The following NIBAN1 variants were observed in gnomAD, a reference collection of about 807,000 sequenced individuals.
The protein encoded by NIBAN1 is protein Niban 1.
A neutral mutation model predicts 75.1 loss-of-function variants in NIBAN1; 81 were observed. That is an observed-to-expected ratio of 1.08 (90% CI 0.90 to 1.30). NIBAN1 has a LOEUF of 1.30. NIBAN1 is among the 50% of genes most tolerant of loss of function. The pLI is 0.00. For missense variants in NIBAN1, 1,133 were observed against 1,128.1 expected (o/e 1.00, Z -0.06); for synonymous variants, 436 against 424.8 (o/e 1.03, Z -0.32).
intron 4 of NIBAN1, chr1:184,888,019 T>C (rs1346989900): frequency 1.3e-5 from 2 of 152,058 alleles, no homozygotes; most frequent in East Asian, 1.9e-4. Context: ...AGTTCTTTGT[T>C]TGTTTTTTTG....
intron 9 of NIBAN1, among the ~76,000 whole-genome samples, chr1:184,816,953 T>A (rs966513914): frequency 2.6e-5 from 4 of 152,170 alleles, no homozygotes; most frequent in Admixed American, 2.0e-4. Flanking sequence ...GGTATACATG[T>A]GCCATGTTGG....
At chr1:184,967,371 C>T (rs1658822949) in intron 1 of NIBAN1, among the ~76,000 whole-genome samples, 1 of 152,090 alleles carries the variant, frequency 6.6e-6, no homozygotes, top group Non-Finnish European at 1.5e-5. Flanking sequence ...CTTCATTTCC[C>T]ATTTCACAGT....
intron 5 of NIBAN1, among the ~76,000 whole-genome samples, chr1:184,877,055 C>T (rs1656252197): frequency 6.6e-6 from 1 of 152,154 alleles, no homozygotes; most frequent in Admixed American, 6.5e-5. Context: ...TAAGTGTTCA[C>T]AGCAGCACTG....
chr1:184,906,889 C>T (rs1297488998), intron 1 of NIBAN1, among the ~76,000 whole-genome samples: 1 of 152,088 alleles, frequency 6.6e-6, no homozygotes, highest in African/African-American at 2.4e-5. Flanking sequence ...AAACCAGTTC[C>T]CAGTCCTGAA....
chr1:184,893,236 C>A (rs1656718120), intron 3 of NIBAN1, among the ~76,000 whole-genome samples: 1 of 152,094 alleles, frequency 6.6e-6, no homozygotes, highest in African/African-American at 2.4e-5. Context: ...GATCATTTGA[C>A]CTAACTGTTT....
intron 3 of NIBAN1, among the ~76,000 whole-genome samples, chr1:184,891,792 G>A (rs1258578407): frequency 1.3e-5 from 2 of 152,064 alleles, no homozygotes; most frequent in East Asian, 3.8e-4. Flanking sequence ...GGTACTTAAT[G>A]CATAATTCTT....
At chr1:184,801,215 ACT>A (rs1410163775) in intron 12 of NIBAN1, among the ~76,000 whole-genome samples, 1 of 151,988 alleles carries the variant, frequency 6.6e-6, no homozygotes, top group Non-Finnish European at 1.5e-5. Context: ...ACCTCAGACA[ACT>A]CTCAGTGCTG....
In NIBAN1 at chr1:184,818,814, G is replaced by A; in HGVS notation, c.997C>T (p.Gln333Ter). 1 of 1,591,172 alleles carries A rather than the reference G, an allele frequency of 6.3e-7. No homozygotes were observed. The highest frequency in any genetic ancestry group is 1.7e-5 in the Admixed American group (1 of 57,744). Reference sequence around the variant, plus strand: ...TCCAAGCAGCTTTTCTCCGCCGGCTGGGCCACCATCGCTGAGGTAGGAAAT... The same window carrying A: ...TCCAAGCAGCTTTTCTCCGCCGGCTAGGCCACCATCGCTGAGGTAGGAAAT... ...LIGKIKAMVA[Q>*]PAEKSCLESV... The change falls in exon 9 of 14, where the codon CAG (glutamine) becomes TAG (stop). Residue 333 changes from glutamine to a stop codon, truncating the protein, a stop_gained. Transcript: ENST00000367511. LOFTEE classifies it high-confidence loss of function.
intron 1 of NIBAN1, among the ~76,000 whole-genome samples, chr1:184,915,135 TC>T (rs1273456622): frequency 6.6e-6 from 1 of 152,202 alleles, no homozygotes; most frequent in African/African-American, 2.4e-5. Context: ...ATCACCAATC[TC>T]AGTGTTTCCT....
At chr1:184,861,187 A>G (rs1254228949) in intron 5 of NIBAN1, among the ~76,000 whole-genome samples, 5 of 152,216 alleles carry the variant, frequency 3.3e-5, no homozygotes, top group Non-Finnish European at 5.9e-5. Flanking sequence ...TTCCACACAC[A>G]AACAGGTGGC....
intron 1 of NIBAN1, among the ~76,000 whole-genome samples, chr1:184,907,206 T>C (rs1391859535): frequency 8.3e-6 from 1 of 120,638 alleles, no homozygotes; most frequent in Non-Finnish European, 1.7e-5. Context: ...GCTTTGGTTT[T>C]TCCTATAAAA....
At chr1:184,941,699 T>G (rs1557923959) in intron 1 of NIBAN1, among the ~76,000 whole-genome samples, 1 of 151,900 alleles carries the variant, frequency 6.6e-6, no homozygotes, top group African/African-American at 2.4e-5. Flanking sequence ...AGATCTGAAT[T>G]TAGATACCTG....
At chr1:184,971,371 C>T (rs989018405) in intron 1 of NIBAN1, among the ~76,000 whole-genome samples, 1 of 149,890 alleles carries the variant, frequency 6.7e-6, no homozygotes, top group East Asian at 2.0e-4. Flanking sequence ...GAGCTTTCTT[C>T]CTCATTAAAA....
chr1:184,864,698 C>T (rs1246886043), intron 5 of NIBAN1, among the ~76,000 whole-genome samples: 3 of 151,822 alleles, frequency 2.0e-5, no homozygotes, highest in Non-Finnish European at 4.4e-5. Flanking sequence ...AGACATCTAA[C>T]AAAGGTCTAA....
intron 6 of NIBAN1, among the ~76,000 whole-genome samples, chr1:184,829,473 T>TG (rs1321234375): frequency 1.4e-5 from 2 of 147,928 alleles, no homozygotes; most frequent in Non-Finnish European, 3.0e-5. Context: ...TCTTTTTTTT[T>TG]TTTTTTTTTT....
At chr1:184,892,526 A>C (rs1172515862) in intron 3 of NIBAN1, among the ~76,000 whole-genome samples, 7 of 152,216 alleles carry the variant, frequency 4.6e-5, no homozygotes. Context: ...GTACAAATTA[A>C]GTGTTGAATA....
At chr1:184,803,561 CT>C in intron 12 of NIBAN1, 23 bp downstream of exon 12, 1 of 1,590,456 alleles carries the variant, frequency 6.3e-7, no homozygotes, top group Non-Finnish European at 8.6e-7. Flanking sequence ...AGAGCAAGCT[CT>C]TTAGGGTAAC....
chr1:184,965,945 C>T (rs1271733038), intron 1 of NIBAN1, among the ~76,000 whole-genome samples: 2 of 152,204 alleles, frequency 1.3e-5, no homozygotes, highest in African/African-American at 2.4e-5. Context: ...GCATATCAAA[C>T]AGCTCAAGTC....
At chr1:184,803,509 G>C in intron 12 of NIBAN1, 76 bp downstream of exon 12, 1 of 1,151,950 alleles carries the variant, frequency 8.7e-7, no homozygotes, top group South Asian at 1.3e-5. Flanking sequence ...CTGTTTGCCA[G>C]TACACATCAC....
Sources: allele counts gnomAD v4.1 joint callset (sites outside exome capture counted in the v4.1 genomes callset), GRCh38; gene constraint gnomAD v4.1.1; transcripts MANE v1.5; gene names NCBI Gene and HGNC (gene_info 2026-07-23, HGNC 2026-07-21).